LRRC38: variants seen among roughly 807,000 people sequenced by gnomAD.
LRRC38 encodes the protein leucine rich repeat containing 38, also known as leucine-rich repeat-containing protein 38.
In LRRC38, 5 loss-of-function variants were observed where a neutral mutation model predicts 16.4. The observed-to-expected ratio is 0.31, with a 90% confidence interval of 0.16 to 0.64. The LOEUF is 0.64. Ranked by LOEUF, LRRC38 falls within the 30% of genes least tolerant of loss-of-function variation. The probability of loss-of-function intolerance (pLI) is 0.80; values close to 1 mark genes in which losing one functional copy is unlikely to be tolerated. For synonymous variants in LRRC38, 191 were observed against 190.2 expected, an observed-to-expected ratio of 1.00 and a Z score of -0.04; for missense variants, 341 against 401.8, an observed-to-expected ratio of 0.85 and a Z score of 1.29.
Position 13,513,274 on chromosome 1 carries a change from A to G in LRRC38, c.320T>C (p.Val107Ala). Reference protein sequence around the residue: ...EGTFSGSAKLVFLDLSYNNLT... With the variant: ...EGTFSGSAKLAFLDLSYNNLT... The stretch of plus-strand genomic sequence containing the variant: ...GTTGTTGTAGCTGAGGTCGAGGAAC[A>G]CGAGCTTGGCCGAGCCGCTGAACGT... The change falls in exon 1 of 2, where the codon GTG becomes GCG. Residue 107 changes from valine (V) to alanine (A), a missense_variant. Physicochemically the swap from Val to Ala is moderately conservative, Grantham distance 64. Transcript: ENST00000376085. 3.2e-6 allele frequency: 5 copies of G among 1,550,380 alleles called. No homozygotes were observed. Among genetic ancestry groups the G allele is most frequent in the Non-Finnish European group, 4.4e-6 (5 of 1,146,920 alleles).
chr1:13,495,607 G>A (rs1315803200), intron 1 of LRRC38, among the ~76,000 whole-genome samples: 4 of 151,930 alleles, frequency 2.6e-5, no homozygotes, highest in Admixed American at 6.6e-5. Flanking sequence ...GGATAGGAAC[G>A]CCAGAAAGAA....
intron 1 of LRRC38, among the ~76,000 whole-genome samples, chr1:13,481,811 CTCTCTCTCT>C (rs1638873469): frequency 7.1e-6 from 1 of 141,012 alleles, no homozygotes; most frequent in African/African-American, 2.6e-5. Flanking sequence ...CTCTCTCTCT[CTCTCTCTCT>C]CTCTCTGCCA....
chr1:13,500,353 G>A (rs1014171617), intron 1 of LRRC38, among the ~76,000 whole-genome samples: 2 of 151,964 alleles, frequency 1.3e-5, no homozygotes, highest in African/African-American at 2.4e-5. Context: ...TGGACAAAGC[G>A]CAGGAAGAAC....
At position 13,513,919 on chromosome 1, in the gene LRRC38, C is replaced by G. The variant is rs79216547; in HGVS notation, c.-326G>C. ...GCAGGGGTGGCCGAGTGGCCGTCGCCAAAACGCGGCCCCACCCTGGCAGCT... is the reference window on the plus strand; with the variant it reads ...GCAGGGGTGGCCGAGTGGCCGTCGCGAAAACGCGGCCCCACCCTGGCAGCT... On this transcript the variant is annotated 5_prime_UTR_variant, in exon 1 of 2. Transcript: ENST00000376085. 0.014 allele frequency: 2,187 copies of G among 152,424 alleles called. 68 individuals carry two copies. The highest frequency in any genetic ancestry group is 0.12 in the East Asian group (629 of 5,108). The allele number at this position is 152,424 out of a possible 1,614,324, so 9.4% of individuals were successfully genotyped here.
At chr1:13,500,746 T>C (rs1639137560) in intron 1 of LRRC38, among the ~76,000 whole-genome samples, 1 of 152,218 alleles carries the variant, frequency 6.6e-6, no homozygotes, top group Non-Finnish European at 1.5e-5. Context: ...CTAAACTGAT[T>C]GAGACCTGTC....
intron 1 of LRRC38, among the ~76,000 whole-genome samples, chr1:13,509,063 T>C (rs955504376): frequency 7.9e-5 from 12 of 152,134 alleles, no homozygotes; most frequent in Admixed American, 3.9e-4. Context: ...AGACGCTCTT[T>C]AGTGGATCTT....
chr1:13,511,412 G>T (rs150258589), intron 1 of LRRC38, among the ~76,000 whole-genome samples: 1 of 152,146 alleles, frequency 6.6e-6, no homozygotes, highest in East Asian at 1.9e-4. Context: ...AGAGGTCAAC[G>T]CAAGAATTCT....
intron 1 of LRRC38, among the ~76,000 whole-genome samples, chr1:13,481,677 G>C (rs1324133533): frequency 6.6e-6 from 1 of 152,114 alleles, no homozygotes; most frequent in South Asian, 2.1e-4. Context: ...TTACAGGCAT[G>C]AGTCACCGTG....
At chr1:13,512,208 T>A (rs1326674869) in intron 1 of LRRC38, among the ~76,000 whole-genome samples, 1 of 152,138 alleles carries the variant, frequency 6.6e-6, no homozygotes, top group Non-Finnish European at 1.5e-5. Context: ...GTCCCCTCCT[T>A]CTCAGCTCCA....
At chr1:13,498,816 C>T (rs1639112516) in intron 1 of LRRC38, among the ~76,000 whole-genome samples, 1 of 152,176 alleles carries the variant, frequency 6.6e-6, no homozygotes, top group Non-Finnish European at 1.5e-5. Context: ...AAATGCTTGT[C>T]TCAGAATTCT....
At chr1:13,476,817 A>C (rs1638794240) in intron 1 of LRRC38, among the ~76,000 whole-genome samples, 1 of 152,182 alleles carries the variant, frequency 6.6e-6, no homozygotes, top group Admixed American at 6.5e-5. Context: ...TGGTAGTGCC[A>C]CTTTCCAACT....
chr1:13,475,888 G>C lies in LRRC38; in HGVS notation c.843C>G (p.Pro281=). The change falls in exon 2 of 2, where the codon CCC becomes CCG. Residue 281 remains proline, a synonymous_variant. Transcript: ENST00000376085. This position sits in a 1 kb window ranked among gnomAD's most constrained non-coding sequence, Gnocchi z 4.3. ...CGTCTTCATCCTCCGCATCTTTGTT[G>C]GGTGCGCACCTCTGGAGGCACTGCA... The part of the protein sequence containing the change: ...TVVQCLQRCA[P]NKDAEDEDED... 1 of 1,550,480 alleles carries C rather than the reference G, an allele frequency of 6.4e-7. No homozygotes were observed. The highest frequency in any genetic ancestry group is 8.7e-7 in the Non-Finnish European group (1 of 1,146,988).
intron 1 of LRRC38, among the ~76,000 whole-genome samples, chr1:13,510,281 G>A (rs931179500): frequency 6.6e-6 from 1 of 152,144 alleles, no homozygotes; most frequent in Non-Finnish European, 1.5e-5. Flanking sequence ...TGGTCCTCAC[G>A]GAGGAGGTAC....
At chr1:13,512,577 G>A (rs1052159287) in intron 1 of LRRC38, among the ~76,000 whole-genome samples, 3 of 152,084 alleles carry the variant, frequency 2.0e-5, no homozygotes, top group African/African-American at 7.2e-5. Context: ...CCCCGTGCAC[G>A]GTACTGAGAA....
Position 13,513,510 on chromosome 1 carries a change from G to A in LRRC38, c.84C>T (p.Cys28=). 2.7e-6 allele frequency: 4 copies of A among 1,458,868 alleles called. No individual in the cohort carries two copies. Among genetic ancestry groups the A allele is most frequent in the Non-Finnish European group, 3.6e-6 (4 of 1,106,084 alleles). The allele number at this position is 1,458,868 out of a possible 1,614,324, so 90.4% of individuals were successfully genotyped here. A position where few individuals can be genotyped will look rare whatever the true frequency, so the allele number is the denominator to read the frequency against. ...GGTCGGTGCAGGCGCAGCCCGCGGGGCACGCGTGCCCGGGCGCGAGCAGCA... is the reference window on the plus strand; with the variant it reads ...GGTCGGTGCAGGCGCAGCCCGCGGGACACGCGTGCCCGGGCGCGAGCAGCA... ...LLLLLAPGHA[C]PAGCACTDPH... Residue 28 remains cysteine (C), a synonymous_variant, in exon 1 of 2, where the codon TGC becomes TGT. Transcript: ENST00000376085.
At chr1:13,505,547 C>T (rs897970597) in intron 1 of LRRC38, among the ~76,000 whole-genome samples, 1 of 152,194 alleles carries the variant, frequency 6.6e-6, no homozygotes, top group Admixed American at 6.5e-5. Context: ...CTCACTGAGA[C>T]CCTCCTAGTC....
intron 1 of LRRC38, among the ~76,000 whole-genome samples, chr1:13,481,591 T>C (rs1016564962): frequency 6.6e-6 from 1 of 151,556 alleles, no homozygotes; most frequent in Non-Finnish European, 1.5e-5. Flanking sequence ...GAGACGGGGT[T>C]TCACCGTGTT....
At chr1:13,504,415 G>A (rs960454738) in intron 1 of LRRC38, among the ~76,000 whole-genome samples, 2 of 152,034 alleles carry the variant, frequency 1.3e-5, no homozygotes, top group Admixed American at 1.3e-4. Context: ...AATACACAGA[G>A]AGAAAAATAA....
At chr1:13,481,804 T>C (rs56039636) in intron 1 of LRRC38, among the ~76,000 whole-genome samples, 3 of 140,344 alleles carry the variant, frequency 2.1e-5, no homozygotes, top group Non-Finnish European at 4.5e-5. Context: ...TCTCTCTCTC[T>C]CTCTCTCTCT....
Sources: allele counts gnomAD v4.1 joint callset (sites outside exome capture counted in the v4.1 genomes callset), GRCh38; gene constraint gnomAD v4.1.1; non-coding constraint Gnocchi (gnomAD v3.1); transcripts MANE v1.5; gene names NCBI Gene and HGNC (gene_info 2026-07-23, HGNC 2026-07-21).